FCHSD2: variants seen among roughly 807,000 people sequenced by gnomAD.
FCHSD2 encodes F-BAR and double SH3 domains protein 2.
In FCHSD2, 38 loss-of-function variants were observed where a neutral mutation model predicts 108.1. The observed-to-expected ratio is 0.35, with a 90% CI of 0.27 to 0.46. The LOEUF (loss-of-function observed/expected upper bound fraction) is 0.46. Among genes scored for constraint, FCHSD2 ranks in the 20% least tolerant of loss-of-function variants. The probability of loss-of-function intolerance (pLI) is 1.00; values close to 1 mark genes in which losing one functional copy is unlikely to be tolerated. For missense variants in FCHSD2, 751 were observed against 897.8 expected (o/e 0.84, Z 2.09); for synonymous variants, 279 against 314.7 (o/e 0.89, Z 1.20).
chr11:73,032,922 G>A (rs952515273), intron 3 of FCHSD2, among the ~76,000 whole-genome samples: 1 of 152,148 alleles, frequency 6.6e-6, no homozygotes, highest in Non-Finnish European at 1.5e-5. Flanking sequence ...CTTGCGAGCA[G>A]TGCAGTGCCA....
chr11:72,942,295 T>G (rs1171203386), intron 8 of FCHSD2, among the ~76,000 whole-genome samples: 1 of 152,222 alleles, frequency 6.6e-6, no homozygotes, highest in Non-Finnish European at 1.5e-5. Context: ...GATTGTAAGT[T>G]TCCTGAGGCC....
At chr11:72,912,552 A>C (rs1855785123) in intron 9 of FCHSD2, among the ~76,000 whole-genome samples, 1 of 152,086 alleles carries the variant, frequency 6.6e-6, no homozygotes, top group Non-Finnish European at 1.5e-5. Context: ...TTTTTGCATT[A>C]ATGTTCATCA....
intron 3 of FCHSD2, among the ~76,000 whole-genome samples, chr11:73,037,265 G>A (rs1217306364): frequency 6.6e-6 from 1 of 152,132 alleles, no homozygotes; most frequent in Non-Finnish European, 1.5e-5. Flanking sequence ...TACAATGGAT[G>A]AACCTACACT....
At chr11:73,124,032 T>C (rs1860795365) in intron 2 of FCHSD2, among the ~76,000 whole-genome samples, 1 of 152,158 alleles carries the variant, frequency 6.6e-6, no homozygotes, top group Non-Finnish European at 1.5e-5. Context: ...AATGATAGAC[T>C]GGATTAAGAA....
At chr11:73,042,574 T>C (rs1454604072) in intron 3 of FCHSD2, among the ~76,000 whole-genome samples, 2 of 152,188 alleles carry the variant, frequency 1.3e-5, no homozygotes, top group Admixed American at 1.3e-4. Flanking sequence ...TTTAGAATTG[T>C]TTTTTCTATT....
At chr11:73,041,587 GTTTT>G (rs201357306) in intron 3 of FCHSD2, among the ~76,000 whole-genome samples, 2 of 151,514 alleles carry the variant, frequency 1.3e-5, no homozygotes, top group Non-Finnish European at 2.9e-5. Context: ...AATTTATGGA[GTTTT>G]TTTGTTTGTT....
rs10400326 is a variant in FCHSD2, at chr11:73,088,327, T to C, written c.120-4587A>G. ...CCTAGGAGCAATAGGCTATATCATA[T>C]AGCTTAGGTGTGTAGTAGGCTATGG... On this transcript the variant is annotated intron_variant, in intron 2 of 19. Coordinates refer to ENST00000409418, the MANE Select transcript of FCHSD2 (RefSeq NM_014824.3). Among the ~76,000 whole-genome samples the C allele has an allele frequency of 4.7e-3, 722 of 152,294 alleles. 4 individuals carry two copies. Among genetic ancestry groups the C allele is most frequent in the African/African-American group, 0.017 (700 of 41,558 alleles).
At chr11:73,139,158 A>T (rs967772110) in intron 2 of FCHSD2, among the ~76,000 whole-genome samples, 56 of 152,236 alleles carry the variant, frequency 3.7e-4, no homozygotes, top group African/African-American at 1.3e-3. Flanking sequence ...GGCTATAAAC[A>T]GCAATCCAAA....
At chr11:72,849,717 AT>A (rs753917972) in intron 14 of FCHSD2, 37 bp downstream of exon 14, 1 of 1,514,870 alleles carries the variant, frequency 6.6e-7, no homozygotes, top group South Asian at 1.1e-5. Flanking sequence ...TTCAGAGTTA[AT>A]CAGAATTTAA....
At chr11:73,015,738 C>T (rs1857957329) in intron 4 of FCHSD2, 71 bp downstream of exon 4, 1 of 858,254 alleles carries the variant, frequency 1.2e-6, no homozygotes, top group Non-Finnish European at 1.8e-6. Context: ...TAGAGTGTTA[C>T]ATTATCTATA....
intron 3 of FCHSD2, among the ~76,000 whole-genome samples, chr11:73,066,111 C>T: frequency 6.6e-6 from 1 of 151,860 alleles, no homozygotes; most frequent in East Asian, 1.9e-4. Flanking sequence ...ACTAGGGCTA[C>T]AGTAACCAAA....
At chr11:73,019,133 T>G (rs1002998555) in intron 3 of FCHSD2, among the ~76,000 whole-genome samples, 3 of 152,208 alleles carry the variant, frequency 2.0e-5, no homozygotes, top group Non-Finnish European at 2.9e-5. Flanking sequence ...TTTTTCAGTT[T>G]AATCACTGTT....
At chr11:73,093,802 T>C (rs1303917298) in intron 2 of FCHSD2, among the ~76,000 whole-genome samples, 1 of 152,032 alleles carries the variant, frequency 6.6e-6, no homozygotes, top group Admixed American at 6.5e-5. Flanking sequence ...ACAGGGTTCT[T>C]CCACGTTGGT....
intron 8 of FCHSD2, among the ~76,000 whole-genome samples, chr11:72,930,645 T>C (rs562670921): frequency 6.6e-6 from 1 of 152,232 alleles, no homozygotes; most frequent in East Asian, 1.9e-4. Context: ...TTTGGGAGCC[T>C]GAGGCATAAG....
chr11:73,037,000 A>G (rs938916588), intron 3 of FCHSD2, among the ~76,000 whole-genome samples: 3 of 152,218 alleles, frequency 2.0e-5, no homozygotes, highest in Admixed American at 2.0e-4. Flanking sequence ...ACAGATAGGG[A>G]CTGCCAAATA....
intron 9 of FCHSD2, among the ~76,000 whole-genome samples, chr11:72,908,087 T>C (rs1016457498): frequency 6.6e-6 from 1 of 152,210 alleles, no homozygotes; most frequent in Non-Finnish European, 1.5e-5. Flanking sequence ...TGAGTTCAAT[T>C]TGTTTTAATT....
intron 6 of FCHSD2, 51 bp from the exon 7 acceptor site, chr11:72,985,167 CAAT>C: frequency 2.2e-6 from 1 of 462,824 alleles, no homozygotes. Context: ...AATTATATCA[CAAT>C]AAAATTACTA....
chr11:73,124,692 G>A (rs1444170620), intron 2 of FCHSD2, among the ~76,000 whole-genome samples: 2 of 151,822 alleles, frequency 1.3e-5, no homozygotes, highest in Non-Finnish European at 2.9e-5. Flanking sequence ...GGGGGCGGAG[G>A]TTGCAGTGAG....
intron 3 of FCHSD2, among the ~76,000 whole-genome samples, chr11:73,018,155 C>T (rs1858015268): frequency 1.3e-5 from 2 of 152,096 alleles, no homozygotes. Context: ...TCTGTCAGAG[C>T]CCCTCCAAGT....
Sources: allele counts gnomAD v4.1 joint callset (sites outside exome capture counted in the v4.1 genomes callset), GRCh38; gene constraint gnomAD v4.1.1; transcripts MANE v1.5; gene names NCBI Gene and HGNC (gene_info 2026-07-23, HGNC 2026-07-21).